The following RPS6KA5 variants were observed in gnomAD, a reference collection of about 807,000 sequenced individuals.
RPS6KA5 encodes the protein ribosomal protein S6 kinase alpha-5.
In RPS6KA5, 27 loss-of-function variants were observed where a neutral mutation model predicts 85.5. The observed-to-expected ratio is 0.32, with a 90% CI of 0.23 to 0.44. The LOEUF is 0.44. Among genes scored for constraint, RPS6KA5 ranks in the 20% least tolerant of loss-of-function variants. The pLI, the probability that RPS6KA5 is intolerant of heterozygous loss-of-function variation, is 1.00. For synonymous variants in RPS6KA5, 334 were observed against 348.2 expected, an observed-to-expected ratio of 0.96 and a Z score of 0.46; for missense variants, 811 against 980.9, an observed-to-expected ratio of 0.83 and a Z score of 2.31.
At chr14:91,024,989 C>T (rs918690477) in intron 1 of RPS6KA5, among the ~76,000 whole-genome samples, 1 of 151,888 alleles carries the variant, frequency 6.6e-6, no homozygotes, top group African/African-American at 2.4e-5. Context: ...TGAAGTGATT[C>T]TCCTGCCTCA....
chr14:90,942,198 T>C (rs538522203), intron 5 of RPS6KA5, among the ~76,000 whole-genome samples: 10 of 152,290 alleles, frequency 6.6e-5, no homozygotes, highest in African/African-American at 2.4e-4. Context: ...TCAGCACTTA[T>C]CTCACTCACC....
intron 8 of RPS6KA5, among the ~76,000 whole-genome samples, chr14:90,905,388 C>A (rs1417220816): frequency 6.6e-6 from 1 of 152,100 alleles, no homozygotes; most frequent in African/African-American, 2.4e-5. Flanking sequence ...GTCAGGCTTA[C>A]TGATATGATG....
At chr14:90,872,594 C>T (rs2033193649) in intron 16 of RPS6KA5, among the ~76,000 whole-genome samples, 1 of 152,164 alleles carries the variant, frequency 6.6e-6, no homozygotes, top group Admixed American at 6.5e-5. Context: ...GTTAGTACTA[C>T]ATCCTAATAC....
intron 1 of RPS6KA5, among the ~76,000 whole-genome samples, chr14:91,022,349 A>G (rs568277295): frequency 6.6e-6 from 1 of 152,338 alleles, no homozygotes; most frequent in Non-Finnish European, 1.5e-5. Flanking sequence ...TGGGGATCCA[A>G]TGGAATGTGA....
At position 90,861,998 on chromosome 14, in the gene RPS6KA5, A is replaced by G. The variant is rs1406163102; in HGVS notation, c.*10076T>C. ...TTTAAGGCAGCAAGTCAAAGATACA[A>G]GCTGTAATCTTTAAGGTACTAAATG... is the stretch of plus-strand genomic sequence containing the variant. On this transcript the variant is annotated 3_prime_UTR_variant, in exon 17 of 17. Coordinates refer to ENST00000614987, the MANE Select transcript of RPS6KA5 (RefSeq NM_004755.4). 6.6e-6 allele frequency: 1 copy of G among 152,230 alleles called. No individual in the cohort carries two copies. Among genetic ancestry groups the G allele is most frequent in the Non-Finnish European group, 1.5e-5 (1 of 68,044 alleles). 9.4% of individuals were successfully genotyped at this position (152,230 alleles called of 1,614,324 possible).
At chr14:91,001,934 C>T (rs61987451) in intron 1 of RPS6KA5, among the ~76,000 whole-genome samples, 84 of 152,026 alleles carry the variant, frequency 5.5e-4, no homozygotes, top group Non-Finnish European at 9.9e-4. Context: ...CAAAGTTAAA[C>T]GATTTCTTTA....
intron 5 of RPS6KA5, among the ~76,000 whole-genome samples, chr14:90,930,896 T>G (rs1028743883): frequency 3.3e-5 from 5 of 152,212 alleles, no homozygotes; most frequent in Non-Finnish European, 7.3e-5. Flanking sequence ...TAACAAGTGT[T>G]GGCAAAGATA....
intron 1 of RPS6KA5, among the ~76,000 whole-genome samples, chr14:91,045,646 A>G (rs768358119): frequency 2.0e-5 from 3 of 152,158 alleles, no homozygotes; most frequent in Non-Finnish European, 4.4e-5. Flanking sequence ...AAACCTTTAT[A>G]TTCCATTTGA....
At chr14:90,930,084 C>G (rs545483033) in intron 5 of RPS6KA5, among the ~76,000 whole-genome samples, 7 of 152,288 alleles carry the variant, frequency 4.6e-5, no homozygotes, top group Admixed American at 1.3e-4. Flanking sequence ...ATTGCCCAGG[C>G]TGGTCTTGAA....
chr14:90,912,380 CA>C (rs1326674941), intron 7 of RPS6KA5, among the ~76,000 whole-genome samples: 2 of 152,166 alleles, frequency 1.3e-5, no homozygotes, highest in Admixed American at 1.3e-4. Context: ...AGCATGGAAA[CA>C]AGTGATACCC....
At chr14:90,952,661 C>G (rs941503694) in intron 3 of RPS6KA5, among the ~76,000 whole-genome samples, 3 of 152,204 alleles carry the variant, frequency 2.0e-5, no homozygotes, top group African/African-American at 7.2e-5. Context: ...GCTTGGGGAT[C>G]GGCTAATGAG....
chr14:90,875,795 C>T (rs1227080752), intron 14 of RPS6KA5, among the ~76,000 whole-genome samples: 6 of 150,304 alleles, frequency 4.0e-5, no homozygotes, highest in Non-Finnish European at 7.4e-5. Context: ...AGCAAACTAT[C>T]GCAAGGACAA....
chr14:90,942,062 A>C (rs2037600081), intron 5 of RPS6KA5, among the ~76,000 whole-genome samples: 1 of 152,224 alleles, frequency 6.6e-6, no homozygotes, highest in Non-Finnish European at 1.5e-5. Context: ...GATCATTTTC[A>C]CTTCATTTAT....
rs185798106 is a variant in RPS6KA5 at position 91,016,003 on chromosome 14, G to A, written c.104-14844C>T. On this transcript the variant is annotated intron_variant, in intron 1 of 16. Transcript: ENST00000614987. ...CCAATTCTGAATGTAGAAGAAAAAA[G>A]TCCAGGGGTGCTGTGGTGGGACTTA... Among the ~76,000 whole-genome samples, 202 of 152,266 alleles carry A rather than the reference G, an allele frequency of 1.3e-3. 2 individuals are homozygous for A. The highest frequency in any genetic ancestry group is 2.6e-4 in the Non-Finnish European group (18 of 68,020).
intron 2 of RPS6KA5, among the ~76,000 whole-genome samples, chr14:90,983,787 T>TTCTTTCTCTCTC: frequency 7.7e-6 from 1 of 129,414 alleles, no homozygotes; most frequent in South Asian, 2.5e-4. Context: ...CTTTCTTTCT[T>TTCTTTCTCTCTC]TCTCTCTCTC....
intron 1 of RPS6KA5, among the ~76,000 whole-genome samples, chr14:91,036,997 A>G (rs545759265): frequency 6.6e-6 from 1 of 152,292 alleles, no homozygotes; most frequent in South Asian, 2.1e-4. Flanking sequence ...GAGTTTGAAG[A>G]TGACGTCAAA....
Position 90,875,861 on chromosome 14 carries a change from A to C in RPS6KA5, c.1837-501T>G, listed in dbSNP as rs551531256. On this transcript the variant is annotated intron_variant, in intron 14 of 16. Transcript: ENST00000614987. ...GGTGGGAATTGAACAATGAGAACACATGGACACAGGAAGGGGAACATCACA... is the reference window on the plus strand; with the variant it reads ...GGTGGGAATTGAACAATGAGAACACCTGGACACAGGAAGGGGAACATCACA... Among the ~76,000 whole-genome samples the C allele has an allele frequency of 1.2e-3, 156 of 134,842 alleles. 4 individuals carry two copies. The Admixed American group carries it at 0.013, about 11-fold the overall frequency. 88.5% of individuals were successfully genotyped at this position (134,842 alleles called of 152,430 possible).
At chr14:90,985,664 T>G (rs994884120) in intron 2 of RPS6KA5, among the ~76,000 whole-genome samples, 2 of 152,214 alleles carry the variant, frequency 1.3e-5, no homozygotes, top group African/African-American at 4.8e-5. Flanking sequence ...GAAATGCTCT[T>G]AAGTGACTTA....
rs1427546553 is a variant in RPS6KA5, at chr14:90,856,667, T to C, written c.*15407A>G. Reference sequence around the variant, plus strand: ...CGTGAGCCACTGTGCACGGCCTGTGTGTGATTTTTTAAAATATAAGATAAA... The same window carrying C: ...CGTGAGCCACTGTGCACGGCCTGTGCGTGATTTTTTAAAATATAAGATAAA... On this transcript the variant is annotated 3_prime_UTR_variant, in exon 17 of 17. Transcript: ENST00000614987. The C allele has an allele frequency of 2.0e-5, 3 of 152,230 alleles. 1 individual carries two copies. Among genetic ancestry groups the C allele is most frequent in the Admixed American group, 2.0e-4 (3 of 15,280 alleles). 9.4% of individuals were successfully genotyped at this position (152,230 alleles called of 1,614,324 possible). A position where few individuals can be genotyped will look rare whatever the true frequency, so the allele number is the denominator to read the frequency against.
Sources: allele counts gnomAD v4.1 joint callset (sites outside exome capture counted in the v4.1 genomes callset), GRCh38; gene constraint gnomAD v4.1.1; transcripts MANE v1.5; gene names NCBI Gene and HGNC (gene_info 2026-07-23, HGNC 2026-07-21).